The following AZIN2 variants were observed in gnomAD, a reference collection of about 807,000 sequenced individuals.
The protein encoded by AZIN2 is antizyme inhibitor 2.
Under a neutral mutation model 47.8 loss-of-function variants are expected in AZIN2, and 28 were observed. The ratio of observed to expected loss-of-function variants is 0.59; its 90% confidence interval spans 0.43 to 0.80. The LOEUF (loss-of-function observed/expected upper bound fraction) is 0.80. AZIN2 is among the 30% of genes least tolerant of loss of function. The pLI is 0.00. For missense variants in AZIN2, 535 were observed against 582.5 expected (o/e 0.92, Z 0.84); for synonymous variants, 221 against 239.4 (o/e 0.92, Z 0.71).
At chr1:33,165,645 T>A in the AZIN2 span, 1 of 1,291,566 alleles carries the variant, frequency 7.7e-7, no homozygotes, top group Non-Finnish European at 1.0e-6. This position sits in a 1 kb window ranked among gnomAD's most constrained non-coding sequence, Gnocchi z 4.0. Context: ...TGCCAGGCGC[T>A]GGGGGTTAGC....
At chr1:33,144,135 CTTTTTTTTT>C in the AZIN2 span, among the ~76,000 whole-genome samples, 23 of 146,550 alleles carry the variant, frequency 1.6e-4, no homozygotes, top group South Asian at 4.3e-4. Context: ...AATGTTACTT[CTTTTTTTTT>C]TTTTTTTTTT....
At chr1:33,135,918 G>T in the AZIN2 span, among the ~76,000 whole-genome samples, 137 of 152,260 alleles carry the variant, frequency 9.0e-4, no homozygotes, top group Non-Finnish European at 1.7e-3. Context: ...ACAGTGAGGG[G>T]TCCCCAGGCC....
At chr1:33,153,172 G>T in the AZIN2 span, among the ~76,000 whole-genome samples, 1 of 152,174 alleles carries the variant, frequency 6.6e-6, no homozygotes, top group Non-Finnish European at 1.5e-5. Context: ...GAATCCATGG[G>T]CTAGGTCCCT....
chr1:33,097,088 G>C (rs1643236535), intron 9 of AZIN2: 1 of 583,106 alleles, frequency 1.7e-6, no homozygotes, highest in Non-Finnish European at 3.0e-6. Context: ...TGAAGATTGA[G>C]AGCAAAACAA....
chr1:33,156,116 G>A, the AZIN2 span, among the ~76,000 whole-genome samples: 147 of 152,314 alleles, frequency 9.7e-4, no homozygotes, highest in Non-Finnish European at 1.7e-3. Flanking sequence ...GCAGCAGATC[G>A]CAGTCAAGGC....
the AZIN2 span, chr1:33,142,052 G>A: frequency 6.6e-6 from 1 of 152,170 alleles, no homozygotes; most frequent in Non-Finnish European, 1.5e-5. Flanking sequence ...AGAGTAAGGG[G>A]AAATAACCGT....
At chr1:33,135,360 C>T in the AZIN2 span, among the ~76,000 whole-genome samples, 1 of 152,226 alleles carries the variant, frequency 6.6e-6, no homozygotes, top group Non-Finnish European at 1.5e-5. Flanking sequence ...TCACGCTATT[C>T]ATGTGCTTCC....
In AZIN2 at chr1:33,093,461, C is replaced by A; in HGVS notation, c.587+45C>A. The A allele has an allele frequency of 3.1e-6, 5 of 1,596,848 alleles. No homozygotes were observed. In the Admixed American group the frequency reaches 8.6e-5, roughly 27 times the overall value. ...GCCATCCCCTCCCACACCAGGCTCC[C>A]TGCCTCTTTCCCAGGAATTAATTCT... On this transcript the variant is annotated intron_variant, in intron 7 of 11. Coordinates refer to ENST00000294517, the MANE Select transcript of AZIN2 (RefSeq NM_052998.4).
At chr1:33,165,258 C>T in the AZIN2 span, 7 of 485,286 alleles carry the variant, frequency 1.4e-5, no homozygotes, top group Non-Finnish European at 2.2e-5. The surrounding 1 kb of genome is among the most constrained non-coding windows in gnomAD (Gnocchi z 4.0). Context: ...ACATCCTTGC[C>T]GCCAGTCATG....
At chr1:33,151,701 C>G in the AZIN2 span, among the ~76,000 whole-genome samples, 2 of 152,184 alleles carry the variant, frequency 1.3e-5, no homozygotes, top group Non-Finnish European at 2.9e-5. Context: ...TGAGGCAGCC[C>G]GTCTGGTCTC....
the AZIN2 span, chr1:33,159,907 G>A: frequency 8.1e-6 from 13 of 1,608,768 alleles, no homozygotes; most frequent in Non-Finnish European, 1.0e-5. This position sits in a 1 kb window ranked among gnomAD's most constrained non-coding sequence, Gnocchi z 4.2. Flanking sequence ...CCGCTCGAAG[G>A]CCTCGCCGAT....
chr1:33,134,712 G>A, the AZIN2 span, among the ~76,000 whole-genome samples: 10 of 152,338 alleles, frequency 6.6e-5, no homozygotes, highest in African/African-American at 1.2e-4. Context: ...GAGTACATGC[G>A]GGTCTCTGGG....
At chr1:33,097,780 T>G (rs77713003) in intron 9 of AZIN2, among the ~76,000 whole-genome samples, 1,540 of 152,196 alleles carry the variant, frequency 0.01, 79 homozygotes, top group Admixed American at 0.074. Context: ...GTCTTGAGTT[T>G]GGGTGGGCTG....
chr1:33,137,498 A>G, the AZIN2 span, among the ~76,000 whole-genome samples: 512 of 152,280 alleles, frequency 3.4e-3, 13 homozygotes, highest in East Asian at 0.056. Context: ...ATTTGAAAAC[A>G]TGGATTCCAG....
At chr1:33,135,115 G>A in the AZIN2 span, among the ~76,000 whole-genome samples, 7 of 152,198 alleles carry the variant, frequency 4.6e-5, no homozygotes, top group South Asian at 6.2e-4. Flanking sequence ...GTGAAACCCC[G>A]TCTCTACTAA....
chr1:33,111,295 T>C (rs1644274591), intron 10 of AZIN2, among the ~76,000 whole-genome samples: 1 of 152,236 alleles, frequency 6.6e-6, no homozygotes, highest in Non-Finnish European at 1.5e-5. Context: ...CAGTGTATCT[T>C]CACAAAGTTA....
At chr1:33,152,541 T>A in the AZIN2 span, among the ~76,000 whole-genome samples, 1 of 136,606 alleles carries the variant, frequency 7.3e-6, no homozygotes, top group East Asian at 2.2e-4. Context: ...CACTCCAGCC[T>A]GGGCAACAAG....
chr1:33,141,633 T>TGACCCA, the AZIN2 span, among the ~76,000 whole-genome samples: 1 of 152,238 alleles, frequency 6.6e-6, no homozygotes, highest in Admixed American at 6.5e-5. Flanking sequence ...CCTGGGTCTC[T>TGACCCA]GGTCCACAGT....
chr1:33,128,089 C>T (rs958980963), downstream of AZIN2, among the ~76,000 whole-genome samples: 7 of 151,354 alleles, frequency 4.6e-5, no homozygotes, highest in African/African-American at 9.7e-5. Context: ...TTAGGTTGGG[C>T]ACGGTAGCTC....
Sources: allele counts gnomAD v4.1 joint callset (sites outside exome capture counted in the v4.1 genomes callset), GRCh38; gene constraint gnomAD v4.1.1; non-coding constraint Gnocchi (gnomAD v3.1); transcripts MANE v1.5; gene names NCBI Gene and HGNC (gene_info 2026-07-23, HGNC 2026-07-21).